Variants in KCNIP4 observed in about 807,000 individuals in gnomAD.
KCNIP4 encodes Kv channel-interacting protein 4.
KCNIP4 carries 12 observed loss-of-function variants against 34.0 expected under a neutral mutation model. The observed-to-expected ratio is 0.35, with a 90% CI of 0.23 to 0.57. The LOEUF is 0.57. Among genes scored for constraint, KCNIP4 ranks in the 20% least tolerant of loss-of-function variants. The pLI is 0.83. For synonymous variants in KCNIP4, 124 were observed against 102.2 expected (o/e 1.21, Z -1.29); for missense variants, 238 against 311.7 (o/e 0.76, Z 1.78).
intron 1 of KCNIP4, among the ~76,000 whole-genome samples, chr4:21,389,166 G>T (rs1290754271): frequency 2.6e-5 from 4 of 151,774 alleles, no homozygotes; most frequent in African/African-American, 9.7e-5. Flanking sequence ...TTTTTATAGA[G>T]ATAGGGGTTT....
intron 1 of KCNIP4, among the ~76,000 whole-genome samples, chr4:21,073,566 A>G (rs958895544): frequency 6.6e-5 from 10 of 152,230 alleles, no homozygotes; most frequent in African/African-American, 2.4e-4. Flanking sequence ...GAAATATACA[A>G]TCATGTCATC....
intron 1 of KCNIP4, among the ~76,000 whole-genome samples, chr4:21,911,069 A>C (rs373058112): frequency 6.6e-5 from 10 of 152,138 alleles, no homozygotes; most frequent in Admixed American, 5.2e-4. Flanking sequence ...TGACAGCCTC[A>C]ACTAACCAAA....
chr4:21,205,040 G>T (rs1042463156), intron 1 of KCNIP4, among the ~76,000 whole-genome samples: 2 of 152,170 alleles, frequency 1.3e-5, no homozygotes, highest in Non-Finnish European at 2.9e-5. Flanking sequence ...CTCTGTGGCA[G>T]ACTTAACTGT....
At chr4:21,252,481 C>G (rs1270044985) in intron 1 of KCNIP4, among the ~76,000 whole-genome samples, 4 of 151,766 alleles carry the variant, frequency 2.6e-5, no homozygotes, top group African/African-American at 9.7e-5. Flanking sequence ...TGATACATAC[C>G]CATTATCGTG....
At chr4:21,328,714 G>A (rs1715328488) in intron 1 of KCNIP4, among the ~76,000 whole-genome samples, 2 of 152,202 alleles carry the variant, frequency 1.3e-5, no homozygotes, top group Non-Finnish European at 1.5e-5. Flanking sequence ...TGACATCCAG[G>A]AGCCAGGGCC....
At chr4:21,145,472 T>C (rs1430028343) in intron 1 of KCNIP4, among the ~76,000 whole-genome samples, 1 of 152,204 alleles carries the variant, frequency 6.6e-6, no homozygotes, top group East Asian at 1.9e-4. Flanking sequence ...AACTGACCTA[T>C]GAATTACAAA....
At chr4:21,939,123 A>G (rs1185485666) in intron 1 of KCNIP4, among the ~76,000 whole-genome samples, 3 of 152,164 alleles carry the variant, frequency 2.0e-5, no homozygotes, top group Non-Finnish European at 2.9e-5. Context: ...TTAAATTGCA[A>G]TTCTTCTAAC....
chr4:21,851,629 C>T (rs1050448682), intron 1 of KCNIP4: 2 of 152,112 alleles, frequency 1.3e-5, no homozygotes, highest in Admixed American at 1.3e-4. Context: ...ATAGCTTTAT[C>T]CCAAGGTAAG....
intron 3 of KCNIP4, among the ~76,000 whole-genome samples, chr4:20,791,346 C>T (rs1160394109): frequency 6.6e-6 from 1 of 152,054 alleles, no homozygotes; most frequent in Non-Finnish European, 1.5e-5. Flanking sequence ...CCTAGTTCTA[C>T]ACAAAGAATG....
chr4:21,882,106 T>C lies in KCNIP4; in HGVS notation c.61+66465A>G, dbSNP rs1009446401. Among the ~76,000 whole-genome samples, 6 of 152,262 alleles carry C rather than the reference T, an allele frequency of 3.9e-5. 1 individual carries two copies. Among genetic ancestry groups the C allele is most frequent in the Admixed American group, 2.6e-4 (4 of 15,282 alleles). On this transcript the variant is annotated intron_variant, in intron 1 of 8. Transcript: ENST00000382152. ...TGTCTTCATATGAAAGTGAGTGCAA[T>C]TAAGTATATTATGTATGTGAGATGT...
intron 1 of KCNIP4, among the ~76,000 whole-genome samples, chr4:21,504,297 G>C (rs548180555): frequency 6.6e-6 from 1 of 151,552 alleles, no homozygotes; most frequent in African/African-American, 2.4e-5. Flanking sequence ...GTGAAACCCC[G>C]TCTCTATTAA....
At chr4:21,043,588 C>T (rs1742153211) in intron 1 of KCNIP4, among the ~76,000 whole-genome samples, 1 of 152,064 alleles carries the variant, frequency 6.6e-6, no homozygotes, top group South Asian at 2.1e-4. Context: ...ATCCACCCGC[C>T]TTGGCCTCTC....
At chr4:21,347,718 G>A (rs986607224) in intron 1 of KCNIP4, among the ~76,000 whole-genome samples, 2 of 152,154 alleles carry the variant, frequency 1.3e-5, no homozygotes, top group Admixed American at 1.3e-4. Context: ...ATTTTTATCA[G>A]CAGCAGCATC....
chr4:21,374,135 TA>T (rs1720750878), intron 1 of KCNIP4, among the ~76,000 whole-genome samples: 1 of 147,488 alleles, frequency 6.8e-6, no homozygotes, highest in South Asian at 2.1e-4. Context: ...TAAGAACACC[TA>T]GGGGGTGCTT....
intron 1 of KCNIP4, among the ~76,000 whole-genome samples, chr4:21,833,602 C>G (rs911676295): frequency 6.6e-6 from 1 of 152,116 alleles, no homozygotes; most frequent in African/African-American, 2.4e-5. Flanking sequence ...TTAATTAGAT[C>G]CCATTTGTCA....
chr4:21,314,063 C>A (rs538843149), intron 1 of KCNIP4, among the ~76,000 whole-genome samples: 1 of 152,262 alleles, frequency 6.6e-6, no homozygotes, highest in Non-Finnish European at 1.5e-5. Context: ...GGATTCACTT[C>A]CTTGTAGTTT....
intron 2 of KCNIP4, among the ~76,000 whole-genome samples, chr4:20,856,943 A>G (rs1403648173): frequency 2.6e-5 from 4 of 151,326 alleles, no homozygotes; most frequent in South Asian, 2.1e-4. Context: ...CTACAAATGG[A>G]GTTTCTTTCT....
intron 1 of KCNIP4, among the ~76,000 whole-genome samples, chr4:20,955,308 A>G (rs1340664467): frequency 6.6e-6 from 1 of 152,196 alleles, no homozygotes; most frequent in Non-Finnish European, 1.5e-5. Context: ...TTTCCCTCAA[A>G]CAGCTATTAA....
At chr4:21,577,297 C>T (rs1441280679) in intron 1 of KCNIP4, among the ~76,000 whole-genome samples, 1 of 152,164 alleles carries the variant, frequency 6.6e-6, no homozygotes, top group East Asian at 1.9e-4. Context: ...ACCTCATGAT[C>T]TGGCCTTGCA....
Sources: allele counts gnomAD v4.1 joint callset (sites outside exome capture counted in the v4.1 genomes callset), GRCh38; gene constraint gnomAD v4.1.1; transcripts MANE v1.5; gene names NCBI Gene and HGNC (gene_info 2026-07-23, HGNC 2026-07-21).